PLCB3: variants seen among roughly 807,000 people sequenced by gnomAD.
The protein encoded by PLCB3 is 1-phosphatidylinositol 4,5-bisphosphate phosphodiesterase beta-3.
PLCB3 carries 54 observed loss-of-function variants against 152.1 expected under a neutral mutation model. That is an observed-to-expected ratio of 0.36 (90% CI 0.29 to 0.45). The LOEUF is 0.45. Ranked by LOEUF, PLCB3 falls within the 20% of genes least tolerant of loss-of-function variation. The probability of loss-of-function intolerance (pLI) is 1.00; values close to 1 mark genes in which losing one functional copy is unlikely to be tolerated. For synonymous variants in PLCB3, 717 were observed against 698.7 expected (o/e 1.03, Z -0.41); for missense variants, 1,248 against 1,687.5 (o/e 0.74, Z 4.56).
Position 64,258,600 on chromosome 11 carries a change from C to T in PLCB3, c.1140C>T (p.Gly380=). Residue 380 remains glycine, a synonymous_variant, in exon 11 of 31, where the codon GGC becomes GGT. Transcript: ENST00000279230. The surrounding 1 kb of genome is among the most constrained non-coding windows in gnomAD (Gnocchi z 7.2). ...PPEEEPFITH[G]FTMTTEVPLR... ...AGGAGGAACCCTTCATTACCCACGG[C>T]TTCACCATGACCACAGAGGTGCCTC... 1 of 1,614,116 alleles carries T rather than the reference C, an allele frequency of 6.2e-7. No individual in the cohort carries two copies. The highest frequency in any genetic ancestry group is 1.3e-5 in the African/African-American group (1 of 75,056).
At chr11:64,263,158 C>T (rs1004583578) in intron 19 of PLCB3, among the ~76,000 whole-genome samples, 9 of 152,336 alleles carry the variant, frequency 5.9e-5, no homozygotes, top group South Asian at 4.1e-4. Flanking sequence ...TGCATGGACG[C>T]GGCCTCTGCT....
Position 64,258,554 on chromosome 11 carries a change from T to G in PLCB3, c.1094T>G (p.Val365Gly). The change falls in exon 11 of 31, where the codon GTG becomes GGG. Residue 365 changes from valine (V) to glycine (G), a missense_variant. Transcript: ENST00000279230. This position sits in a 1 kb window ranked among gnomAD's most constrained non-coding sequence, Gnocchi z 7.2. ...LWGCRCVELD[V>G]WKGRPPEEEP... ...GGCTGCCGCTGCGTGGAGCTGGACG[T>G]GTGGAAGGGACGGCCGCCTGAGGAG... 1 of 1,613,914 alleles carries G rather than the reference T, an allele frequency of 6.2e-7. No homozygotes were observed. Among genetic ancestry groups the G allele is most frequent in the East Asian group, 2.2e-5 (1 of 44,864 alleles).
Position 64,266,688 on chromosome 11 carries a change from G to A in PLCB3, c.3414+136G>A, listed in dbSNP as rs568839816. The A allele has an allele frequency of 2.5e-6, 2 of 809,954 alleles. No homozygotes were observed. Among genetic ancestry groups the A allele is most frequent in the East Asian group, 5.3e-5 (2 of 38,062 alleles). 50.2% of individuals were successfully genotyped at this position (809,954 alleles called of 1,614,324 possible). ...TTTCTCAAGTGCCCAACAGCCCCAG[G>A]GTACCCACATCATACCCAAAGCCAA... On this transcript the variant is annotated intron_variant, in intron 29 of 30. Transcript: ENST00000279230. The surrounding 1 kb of genome is among the most constrained non-coding windows in gnomAD (Gnocchi z 4.9).
chr11:64,261,557 GC>G (rs746813398), intron 15 of PLCB3, 23 bp from the exon 16 acceptor site: 41 of 1,612,620 alleles, frequency 2.5e-5, no homozygotes, highest in Non-Finnish European at 3.2e-5. Context: ...CAGGTCTGAC[GC>G]CCTTTCTTGG....
Position 64,258,240 on chromosome 11 carries a change from AGGT to A in PLCB3, c.1013-230_1013-228del, listed in dbSNP as rs1360026345. Among the ~76,000 whole-genome samples, 1 of 151,344 alleles carries A rather than the reference AGGT, an allele frequency of 6.6e-6. No individual in the cohort carries two copies. Among genetic ancestry groups the A allele is most frequent in the Non-Finnish European group, 1.5e-5 (1 of 67,868 alleles). ...GGTGGTGTGAGCTGTGCCAGGGCTG[AGGT>A]GGGTGGAGGGAGTGAGGAGAGGGAG... On this transcript the variant is annotated intron_variant, in intron 10 of 30. Coordinates refer to ENST00000279230, the MANE Select transcript of PLCB3 (RefSeq NM_000932.5). The surrounding 1 kb of genome is among the most constrained non-coding windows in gnomAD (Gnocchi z 7.2).
At position 64,255,343 on chromosome 11, in the gene PLCB3, G is replaced by A. The variant is rs555466373; in HGVS notation, c.467+30G>A. 6.8e-6 allele frequency: 11 copies of A among 1,610,954 alleles called. No individual in the cohort carries two copies. Among genetic ancestry groups the A allele is most frequent in the Admixed American group, 1.7e-5 (1 of 60,000 alleles). ...GCCCCAGGCCACCCGAGGGGGAGCCGGGGGGTTCACGTGGCCGTTTTCAGG... is the reference window on the plus strand; with the variant it reads ...GCCCCAGGCCACCCGAGGGGGAGCCAGGGGGTTCACGTGGCCGTTTTCAGG... On this transcript the variant is annotated intron_variant, in intron 5 of 30. Coordinates refer to ENST00000279230, the MANE Select transcript of PLCB3 (RefSeq NM_000932.5). This position sits in a 1 kb window ranked among gnomAD's most constrained non-coding sequence, Gnocchi z 6.8.
chr11:64,265,202 T>C lies in PLCB3; in HGVS notation c.2817T>C (p.Asp939=). 6.3e-7 allele frequency: 1 copy of C among 1,599,254 alleles called. No individual in the cohort carries two copies. The highest frequency in any genetic ancestry group is 8.5e-7 in the Non-Finnish European group (1 of 1,172,400). ...STSLSSPGQR[D]DLIASILSEV... is the part of the protein sequence containing the mutation. ...GCCTCTGCTCCCCAGGGCAGCGTGA[T>C]GATCTCATCGCCAGCATCCTCTCAG... Residue 939 remains aspartate, a synonymous_variant, in exon 24 of 31, where the codon GAT becomes GAC. Coordinates refer to ENST00000279230, the MANE Select transcript of PLCB3 (RefSeq NM_000932.5).
intron 2 of PLCB3, 47 bp downstream of exon 2, chr11:64,254,539 C>A (rs2031413547): frequency 1.9e-6 from 3 of 1,568,610 alleles, no homozygotes; most frequent in Non-Finnish European, 2.6e-6. Flanking sequence ...GGACCCCTGT[C>A]CCAGACCCCT....
Position 64,258,887 on chromosome 11 carries a change from C to G in PLCB3, c.1256C>G (p.Ala419Gly). ...GACCTCTGACCTCGGTTCCGCAGGG[C>G]AAAGCAACAGGCAAAGATGGCTGAG... ...ILSFENHVDS[A>G]KQQAKMAEYC... is the part of the protein sequence containing the mutation. The change falls in exon 12 of 31, where the codon GCA becomes GGA. Residue 419 changes from alanine to glycine, a missense_variant and splice_region_variant. Ala to Gly is a moderately conservative substitution (Grantham distance 60, BLOSUM62 0). Around this residue, in one of 6 missense-constraint regions of PLCB3, gnomAD observed 122 missense variants for 221.8 expected, o/e 0.55. Transcript: ENST00000279230. This position sits in a 1 kb window ranked among gnomAD's most constrained non-coding sequence, Gnocchi z 7.2. 6.2e-7 allele frequency: 1 copy of G among 1,613,986 alleles called. No individual in the cohort carries two copies. The highest frequency in any genetic ancestry group is 8.5e-7 in the Non-Finnish European group (1 of 1,179,962).
Position 64,263,734 on chromosome 11 carries a change from G to C in PLCB3, c.2499G>C (p.Leu833=), listed in dbSNP as rs543603249. 1.9e-6 allele frequency: 3 copies of C among 1,613,218 alleles called. No individual in the cohort carries two copies. Among genetic ancestry groups the C allele is most frequent in the Admixed American group, 1.7e-5 (1 of 59,996 alleles). ...TGCGGAACGAGGCCAACCAACCGCT[G>C]TGCCTGCCGGCCCTGCTCATCTACA... ...VCLRNEANQP[L]CLPALLIYTE... The change falls in exon 21 of 31, where the codon CTG becomes CTC. Residue 833 remains leucine, a synonymous_variant. Coordinates refer to ENST00000279230, the MANE Select transcript of PLCB3 (RefSeq NM_000932.5).
In PLCB3 at chr11:64,256,445, C is replaced by T. The variant is rs1254137159; in HGVS notation, c.768C>T (p.Asp256=). 8.7e-6 allele frequency: 14 copies of T among 1,613,692 alleles called. No individual in the cohort carries two copies. The highest frequency in any genetic ancestry group is 9.3e-6 in the Non-Finnish European group (11 of 1,180,034). The change falls in exon 9 of 31, where the codon GAC becomes GAT. Residue 256 remains aspartate (D), a synonymous_variant. Transcript: ENST00000279230. ...ACTTCATCAACCAGAAGCAACGCGACCCGAGACTCAACGAAGTGCTGTACC... is the reference window on the plus strand; with the variant it reads ...ACTTCATCAACCAGAAGCAACGCGATCCGAGACTCAACGAAGTGCTGTACC... ...LMDFINQKQR[D]PRLNEVLYPP... is the part of the protein sequence containing the mutation.
chr11:64,260,275 A>ATT, intron 14 of PLCB3, 41 bp downstream of exon 14: 1 of 1,409,450 alleles, frequency 7.1e-7, no homozygotes, highest in Non-Finnish European at 9.7e-7. Context: ...GGTAGCATCT[A>ATT]TTTACCTCCC....
rs7938380 is a variant in PLCB3, at chr11:64,267,394, G to A, written c.3543G>A (p.Ala1181=). ...CCCAGGAGTGTCAGGAGCAGCGGGC[G>A]AGGCTCCCCCAGGAGATCCGCCGGA... The part of the protein sequence containing the change: ...QLAQECQEQR[A]RLPQEIRRSL... The change falls in exon 31 of 31, where the codon GCG becomes GCA. Residue 1181 remains alanine (A), a synonymous_variant. Transcript: ENST00000279230. The surrounding 1 kb of genome is among the most constrained non-coding windows in gnomAD (Gnocchi z 5.2). The A allele has an allele frequency of 0.15, 231,123 of 1,541,154 alleles. 18,488 individuals carry two copies. The highest frequency in any genetic ancestry group is 0.17 in the Middle Eastern group (989 of 5,882).
Position 64,267,196 on chromosome 11 carries a change from C to T in PLCB3, c.3426C>T (p.Ala1142=), listed in dbSNP as rs1162022158. ...GCCCACCCCTGTAGCTGGAGGAGGC[C>T]CAGAAGCAGCGGCATGACCGTCTTG... ...SVNSIRRLEE[A]QKQRHDRLVA... is the part of the protein sequence containing the mutation. Residue 1142 remains alanine (A), a synonymous_variant, in exon 30 of 31, where the codon GCC becomes GCT. Transcript: ENST00000279230. The surrounding 1 kb of genome is among the most constrained non-coding windows in gnomAD (Gnocchi z 5.2). The T allele has an allele frequency of 1.3e-6, 2 of 1,550,084 alleles. No homozygotes were observed. Among genetic ancestry groups the T allele is most frequent in the Non-Finnish European group, 1.7e-6 (2 of 1,146,970 alleles).
At position 64,262,700 on chromosome 11, in the gene PLCB3, G is replaced by A. The variant is rs2031917354; in HGVS notation, c.2247G>A (p.Val749=). 10 of 1,613,968 alleles carry A rather than the reference G, an allele frequency of 6.2e-6. No homozygotes were observed. The East Asian group carries it at 2.0e-4, about 32-fold the overall frequency. Residue 749 remains valine (V), a synonymous_variant, in exon 19 of 31, where the codon GTG becomes GTA. Transcript: ENST00000279230. ...SDRKVGIYVE[V]DMFGLPVDTR... ...GGAAGGTGGGCATCTACGTGGAGGT[G>A]GACATGTTTGGCCTCCCTGTTGATA...
At chr11:64,262,602 G>A (rs2031912045) in intron 18 of PLCB3, 41 bp downstream of exon 18, 4 of 1,612,426 alleles carry the variant, frequency 2.5e-6, no homozygotes, top group Non-Finnish European at 3.4e-6. Context: ...TGTCCTGGGG[G>A]CAGGACTCTC....
downstream of PLCB3, chr11:64,268,909 G>A (rs1053022212): frequency 7.9e-5 from 12 of 152,350 alleles, no homozygotes; most frequent in African/African-American, 2.7e-4. Flanking sequence ...TCCGGAGTAG[G>A]GCCCTCCTCC....
At position 64,255,631 on chromosome 11, in the gene PLCB3, G is replaced by GGGGGC; in HGVS notation, c.597+15_597+16insGGGGC. 2 of 604,018 alleles carry GGGGGC rather than the reference G, an allele frequency of 3.3e-6. No homozygotes were observed. The highest frequency in any genetic ancestry group is 6.2e-6 in the Non-Finnish European group (2 of 321,520). The allele number at this position is 604,018 out of a possible 1,614,324, so 37.4% of individuals were successfully genotyped here. On this transcript the variant is annotated intron_variant, in intron 7 of 30. Coordinates refer to ENST00000279230, the MANE Select transcript of PLCB3 (RefSeq NM_000932.5). The surrounding 1 kb of genome is among the most constrained non-coding windows in gnomAD (Gnocchi z 6.8). Reference sequence around the variant, plus strand: ...AATTCAACCGGGTGTGTGGGGTGGGGACAGGGGCGGGGTGGGGTGTCACGG... The same window carrying GGGGGC: ...AATTCAACCGGGTGTGTGGGGTGGGGGGGGCACAGGGGCGGGGTGGGGTGTCACGG...
At chr11:64,256,837 C>T in intron 10 of PLCB3, 73 bp downstream of exon 10, 1 of 1,514,070 alleles carries the variant, frequency 6.6e-7, no homozygotes, top group Non-Finnish European at 9.0e-7. Flanking sequence ...CCTCCTGGGG[C>T]ACAGTCCTTT....
Sources: allele counts gnomAD v4.1 joint callset (sites outside exome capture counted in the v4.1 genomes callset), GRCh38; gene constraint gnomAD v4.1.1; regional missense constraint gnomAD v4.1.1; non-coding constraint Gnocchi (gnomAD v3.1); transcripts MANE v1.5; gene names NCBI Gene and HGNC (gene_info 2026-07-23, HGNC 2026-07-21).